Variants in TNKS observed in about 807,000 individuals in gnomAD.
TNKS encodes poly [ADP-ribose] polymerase tankyrase-1.
In TNKS, 72 loss-of-function variants were observed where a neutral mutation model predicts 135.8. The ratio of observed to expected loss-of-function variants is 0.53; its 90% CI spans 0.44 to 0.64. The LOEUF (loss-of-function observed/expected upper bound fraction) is 0.64. Ranked by LOEUF, TNKS falls within the 30% of genes least tolerant of loss-of-function variation. The pLI, the probability that TNKS is intolerant of heterozygous loss-of-function variation, is 0.00. For synonymous variants in TNKS, 849 were observed against 649.3 expected (o/e 1.31, Z -4.68); for missense variants, 1,769 against 1,674.0 (o/e 1.06, Z -0.99).
intron 19 of TNKS, among the ~76,000 whole-genome samples, 169 bp from the exon 20 acceptor site, chr8:9,752,375 A>C (rs1489382819): frequency 1.3e-5 from 2 of 152,208 alleles, no homozygotes; most frequent in African/African-American, 4.8e-5. Flanking sequence ...CTTCCCAATC[A>C]ACTTCAGAAA....
intron 2 of TNKS, among the ~76,000 whole-genome samples, chr8:9,583,529 A>G (rs1478730819): frequency 6.6e-6 from 1 of 151,788 alleles, no homozygotes; most frequent in Non-Finnish European, 1.5e-5. Flanking sequence ...TTGCTCTGTC[A>G]CCAGGCTGGA....
chr8:9,781,866 CTCCTT>C lies in TNKS; in HGVS notation c.*5133_*5137del, dbSNP rs1808472193. On this transcript the variant is annotated 3_prime_UTR_variant, in exon 27 of 27. Coordinates refer to ENST00000310430, the MANE Select transcript of TNKS (RefSeq NM_003747.3). ...ACAGTGGCAGGGGTTACAACCCCCT[CTCCTT>C]TCTTTTTTGTATTTATCTATTTGTA... 1 of 152,556 alleles carries C rather than the reference CTCCTT, an allele frequency of 6.6e-6. No homozygotes were observed. Among genetic ancestry groups the C allele is most frequent in the African/African-American group, 2.4e-5 (1 of 41,432 alleles). 9.5% of individuals were successfully genotyped at this position (152,556 alleles called of 1,614,324 possible). A position where few individuals can be genotyped will look rare whatever the true frequency, so the allele number is the denominator to read the frequency against.
intron 3 of TNKS, among the ~76,000 whole-genome samples, chr8:9,628,132 A>T (rs936168665): frequency 6.6e-6 from 1 of 150,884 alleles, no homozygotes; most frequent in African/African-American, 2.4e-5. Context: ...ATATGTATTG[A>T]ATTCTGGTAG....
chr8:9,762,190 T>C (rs921379657), intron 21 of TNKS, among the ~76,000 whole-genome samples: 1 of 151,694 alleles, frequency 6.6e-6, no homozygotes, highest in African/African-American at 2.4e-5. Context: ...CATTGTACTT[T>C]GCCGTTACAA....
intron 11 of TNKS, 117 bp from the exon 12 acceptor site, chr8:9,720,257 G>T (rs1489556792): frequency 2.0e-6 from 2 of 983,622 alleles, no homozygotes. Flanking sequence ...CAATATCTAT[G>T]AGACTTTTTA....
chr8:9,782,188 T>G lies in TNKS; in HGVS notation c.*5452T>G, dbSNP rs1410346112. 1 of 152,632 alleles carries G rather than the reference T, an allele frequency of 6.6e-6. No individual in the cohort carries two copies. The highest frequency in any genetic ancestry group is 2.4e-5 in the African/African-American group (1 of 41,458). The allele number at this position is 152,632 out of a possible 1,614,324, so 9.5% of individuals were successfully genotyped here. On this transcript the variant is annotated 3_prime_UTR_variant, in exon 27 of 27. Coordinates refer to ENST00000310430, the MANE Select transcript of TNKS (RefSeq NM_003747.3). ...CCTTTTTCCCTCACCCTCCACTTCT[T>G]TCCAAAGGAGGGCATCAAGGAACTT...
intron 3 of TNKS, among the ~76,000 whole-genome samples, chr8:9,620,370 T>C (rs1799820076): frequency 6.6e-6 from 1 of 152,158 alleles, no homozygotes; most frequent in African/African-American, 2.4e-5. Context: ...GGGCCACACC[T>C]TCATCCTCTG....
intron 20 of TNKS, among the ~76,000 whole-genome samples, chr8:9,760,765 C>G (rs529161584): frequency 2.8e-4 from 42 of 152,272 alleles, no homozygotes; most frequent in South Asian, 1.0e-3. Context: ...AACTAATCAT[C>G]TCCATTTTAC....
intron 20 of TNKS, among the ~76,000 whole-genome samples, chr8:9,759,157 C>A (rs1807008613): frequency 6.6e-6 from 1 of 152,184 alleles, no homozygotes; most frequent in Admixed American, 6.5e-5. Context: ...ACTAGGCCAG[C>A]CTGCACTCCA....
At chr8:9,743,886 T>C (rs970936114) in intron 17 of TNKS, among the ~76,000 whole-genome samples, 1 of 152,358 alleles carries the variant, frequency 6.6e-6, no homozygotes, top group South Asian at 2.1e-4. Context: ...GGCTCAGTGC[T>C]GTGTTAAATA....
In TNKS at chr8:9,679,947, C is replaced by T. The variant is rs200727503; in HGVS notation, c.995-4C>T. 55 of 1,612,048 alleles carry T rather than the reference C, an allele frequency of 3.4e-5. No homozygotes were observed. Among genetic ancestry groups the T allele is most frequent in the Non-Finnish European group, 1.3e-5 (15 of 1,178,346 alleles). ...TAACAGCATGATATTTTGCAATCAT[C>T]TAGGTGAATACAAGAAAGACGAACT... On this transcript the variant is annotated splice_region_variant and splice_polypyrimidine_tract_variant and intron_variant, in intron 3 of 26. Transcript: ENST00000310430.
intron 2 of TNKS, among the ~76,000 whole-genome samples, chr8:9,613,771 C>G (rs1251532598): frequency 1.3e-5 from 2 of 152,106 alleles, no homozygotes; most frequent in Non-Finnish European, 2.9e-5. Context: ...AAATGGGCAA[C>G]ATATAGTAGT....
chr8:9,717,862 G>C (rs962439610), intron 11 of TNKS, among the ~76,000 whole-genome samples: 1 of 152,054 alleles, frequency 6.6e-6, no homozygotes, highest in African/African-American at 2.4e-5. Context: ...GGCAGCCTGG[G>C]GAAGAGATTG....
intron 1 of TNKS, among the ~76,000 whole-genome samples, chr8:9,560,278 C>T (rs771867576): frequency 6.6e-6 from 1 of 151,858 alleles, no homozygotes; most frequent in East Asian, 1.9e-4. Context: ...ATAGTATTTA[C>T]ATGAAATTGA....
At chr8:9,684,783 A>T (rs756662814) in intron 5 of TNKS, among the ~76,000 whole-genome samples, 1 of 152,114 alleles carries the variant, frequency 6.6e-6, no homozygotes, top group South Asian at 2.1e-4. Flanking sequence ...CACTGTGCTT[A>T]GTGTCATGGG....
intron 3 of TNKS, among the ~76,000 whole-genome samples, chr8:9,661,289 T>C (rs1328815347): frequency 5.3e-5 from 8 of 152,062 alleles, no homozygotes; most frequent in Admixed American, 1.3e-4. Flanking sequence ...AATCCTAAGC[T>C]GAAAGAACAA....
intron 17 of TNKS, among the ~76,000 whole-genome samples, chr8:9,746,430 A>G (rs963369092): frequency 1.3e-5 from 2 of 152,192 alleles, no homozygotes; most frequent in Non-Finnish European, 2.9e-5. Context: ...CCTGGTCTCC[A>G]TGGAACTTGC....
chr8:9,609,896 C>T (rs1412580259), intron 2 of TNKS, among the ~76,000 whole-genome samples: 9 of 151,998 alleles, frequency 5.9e-5, no homozygotes, highest in Non-Finnish European at 8.8e-5. Flanking sequence ...CTCGCTCTGT[C>T]GGCCAGGCTG....
intron 1 of TNKS, among the ~76,000 whole-genome samples, chr8:9,570,764 A>G (rs1302057660): frequency 6.6e-6 from 1 of 152,206 alleles, no homozygotes; most frequent in Admixed American, 6.5e-5. Flanking sequence ...TGCATCTGCC[A>G]TACAGGGTCA....
Sources: gnomAD v4.1 joint callset for allele counts (sites outside exome capture counted in the v4.1 genomes callset) on GRCh38, gnomAD v4.1.1 for gene constraint, MANE v1.5 for transcripts, NCBI Gene and HGNC (gene_info 2026-07-23, HGNC 2026-07-21) for gene names.